MAGI1: variants seen among roughly 807,000 people sequenced by gnomAD.
MAGI1 encodes the protein membrane associated guanylate kinase, WW and PDZ domain containing 1, also known as membrane-associated guanylate kinase, WW and PDZ domain-containing protein 1.
MAGI1 carries 58 observed loss-of-function variants against 139.9 expected under a neutral mutation model. That is an observed-to-expected ratio of 0.41 (90% CI 0.34 to 0.52). The LOEUF is 0.52. Ranked by LOEUF, MAGI1 falls within the 20% of genes least tolerant of loss-of-function variation. The pLI is 0.12. For missense variants in MAGI1, 1,874 were observed against 1,901.6 expected (o/e 0.99, Z 0.27); for synonymous variants, 812 against 737.9 (o/e 1.10, Z -1.63).
intron 1 of MAGI1, among the ~76,000 whole-genome samples, chr3:65,778,827 A>G (rs1435516282): frequency 6.6e-6 from 1 of 152,196 alleles, no homozygotes; most frequent in East Asian, 1.9e-4. Flanking sequence ...TCCTATTAAT[A>G]ATTTTCCAAA....
chr3:65,625,467 T>C (rs1166841082), intron 1 of MAGI1, among the ~76,000 whole-genome samples: 1 of 152,136 alleles, frequency 6.6e-6, no homozygotes, highest in Admixed American at 6.6e-5. Flanking sequence ...AACTGTTTAT[T>C]AGCTGGTGAG....
intron 1 of MAGI1, among the ~76,000 whole-genome samples, chr3:65,990,459 G>C (rs533943953): frequency 6.6e-6 from 1 of 152,180 alleles, no homozygotes; most frequent in Non-Finnish European, 1.5e-5. Context: ...TTGTTTAGCC[G>C]AAGCTTCTAA....
Position 65,356,789 on chromosome 3 carries a change from C to T in MAGI1, c.3978G>A (p.Arg1326=). 1 of 1,609,884 alleles carries T rather than the reference C, an allele frequency of 6.2e-7. No homozygotes were observed. The highest frequency in any genetic ancestry group is 2.2e-5 in the East Asian group (1 of 44,750). The stretch of plus-strand genomic sequence containing the variant: ...TGTCGGCGCTGCGGGTGCCCTCCCT[C>T]CGCTTCTCTGGGGACCGCCTCTTGG... ...NGPKRRSPEK[R]REGTRSADNT... is the part of the protein sequence containing the mutation. Residue 1326 remains arginine, a synonymous_variant, in exon 23 of 23, where the codon CGG becomes CGA. Transcript: ENST00000402939.
At chr3:65,523,723 T>TC (rs1204710027) in intron 2 of MAGI1, among the ~76,000 whole-genome samples, 8 of 152,296 alleles carry the variant, frequency 5.3e-5, no homozygotes, top group African/African-American at 1.9e-4. Context: ...CACAAGTATT[T>TC]TAAGAAAGAA....
chr3:65,846,646 C>T (rs780807250), intron 1 of MAGI1, among the ~76,000 whole-genome samples: 2 of 152,160 alleles, frequency 1.3e-5, no homozygotes, highest in Non-Finnish European at 2.9e-5. Context: ...TATGTGCTTT[C>T]GCCTTGTAAC....
At chr3:65,990,795 T>C (rs1429935844) in intron 1 of MAGI1, among the ~76,000 whole-genome samples, 1 of 152,182 alleles carries the variant, frequency 6.6e-6, no homozygotes, top group Non-Finnish European at 1.5e-5. Context: ...AATTATTTCC[T>C]TTCTAATTCT....
chr3:65,425,648 T>A (rs1946989765), intron 12 of MAGI1, among the ~76,000 whole-genome samples: 3 of 152,194 alleles, frequency 2.0e-5, no homozygotes, highest in African/African-American at 7.2e-5. Flanking sequence ...TTCTTTTTAA[T>A]ACATGCCTTC....
At chr3:65,483,169 C>T (rs571283837) in intron 3 of MAGI1, among the ~76,000 whole-genome samples, 3 of 152,322 alleles carry the variant, frequency 2.0e-5, no homozygotes, top group East Asian at 1.9e-4. Flanking sequence ...AGCTTGCTTT[C>T]GGCCCTGGGC....
chr3:65,813,685 C>T (rs1270395347), intron 1 of MAGI1, among the ~76,000 whole-genome samples: 1 of 152,084 alleles, frequency 6.6e-6, no homozygotes, highest in Non-Finnish European at 1.5e-5. Flanking sequence ...ATTTATCCTA[C>T]AGAAATAATG....
chr3:65,469,111 T>C (rs940495063), intron 5 of MAGI1, among the ~76,000 whole-genome samples: 1 of 152,210 alleles, frequency 6.6e-6, no homozygotes, highest in African/African-American at 2.4e-5. Flanking sequence ...CTTCTAGAAC[T>C]TTCTGTGCCT....
chr3:65,949,820 A>T (rs1258233688), intron 1 of MAGI1, among the ~76,000 whole-genome samples: 1 of 152,150 alleles, frequency 6.6e-6, no homozygotes, highest in Non-Finnish European at 1.5e-5. Context: ...ACGGTGGCAC[A>T]TGCCTGTAAT....
intron 3 of MAGI1, among the ~76,000 whole-genome samples, chr3:65,487,862 C>T (rs1165112065): frequency 6.6e-6 from 1 of 152,204 alleles, no homozygotes; most frequent in East Asian, 1.9e-4. Context: ...GGTCCTCAAC[C>T]TTCCTTTCAG....
chr3:65,949,436 C>T (rs1006039432), intron 1 of MAGI1, among the ~76,000 whole-genome samples: 4 of 152,216 alleles, frequency 2.6e-5, no homozygotes, highest in Admixed American at 6.5e-5. Flanking sequence ...CTGTCTCAAT[C>T]GTCATTTAGA....
chr3:65,659,083 C>T (rs904447818), intron 1 of MAGI1, among the ~76,000 whole-genome samples: 13 of 152,030 alleles, frequency 8.6e-5, no homozygotes, highest in Non-Finnish European at 1.5e-4. Flanking sequence ...GAGATTCAGT[C>T]AGACTAAATA....
chr3:65,929,929 T>G (rs1233177797), intron 1 of MAGI1, among the ~76,000 whole-genome samples: 1 of 152,162 alleles, frequency 6.6e-6, no homozygotes, highest in Non-Finnish European at 1.5e-5. Flanking sequence ...GGCAAGTCAC[T>G]TGAACCAAGT....
chr3:66,021,297 A>G (rs2067946776), intron 1 of MAGI1, among the ~76,000 whole-genome samples: 1 of 152,198 alleles, frequency 6.6e-6, no homozygotes, highest in Non-Finnish European at 1.5e-5. Context: ...CTATTAGTCA[A>G]TGCTGTCTTT....
intron 1 of MAGI1, among the ~76,000 whole-genome samples, chr3:65,707,456 CA>C (rs2030532905): frequency 1.3e-5 from 2 of 152,004 alleles, no homozygotes; most frequent in African/African-American, 4.8e-5. Flanking sequence ...GAGGCCGAGC[CA>C]GGTGATTGTT....
At position 65,978,009 on chromosome 3, in the gene MAGI1, C is replaced by T. The variant is rs190555890; in HGVS notation, c.313+59987G>A. On this transcript the variant is annotated intron_variant, in intron 1 of 22. Transcript: ENST00000402939. The stretch of plus-strand genomic sequence containing the variant: ...GTGCATCTAACACCTATTGCATTAC[C>T]CATTATCTCTCAAAACTAGCTGTTA... Among the ~76,000 whole-genome samples the T allele has an allele frequency of 1.5e-4, 23 of 152,176 alleles. 1 individual carries two copies. Among genetic ancestry groups the T allele is most frequent in the Admixed American group, 9.8e-4 (15 of 15,276 alleles).
At chr3:65,726,151 C>A (rs2033580483) in intron 1 of MAGI1, among the ~76,000 whole-genome samples, 1 of 152,088 alleles carries the variant, frequency 6.6e-6, no homozygotes, top group African/African-American at 2.4e-5. Flanking sequence ...AGAAGCTATA[C>A]AGTATAAAAT....
Sources: gnomAD v4.1 joint callset for allele counts (sites outside exome capture counted in the v4.1 genomes callset) on GRCh38, gnomAD v4.1.1 for gene constraint, MANE v1.5 for transcripts, NCBI Gene and HGNC (gene_info 2026-07-23, HGNC 2026-07-21) for gene names.